Variants in R3HDM1 observed in about 807,000 individuals in gnomAD.
The protein encoded by R3HDM1 is R3H domain-containing protein 1.
Under a neutral mutation model 141.1 loss-of-function variants are expected in R3HDM1, and 46 were observed. The observed-to-expected ratio is 0.33, with a 90% CI of 0.26 to 0.42. R3HDM1 has a LOEUF of 0.42. Ranked by LOEUF, R3HDM1 falls within the 10% of genes least tolerant of loss-of-function variation. R3HDM1 has a pLI of 1.00. For missense variants in R3HDM1, 1,184 were observed against 1,368.3 expected (o/e 0.87, Z 2.12); for synonymous variants, 435 against 472.9 (o/e 0.92, Z 1.04).
intron 9 of R3HDM1, among the ~76,000 whole-genome samples, chr2:135,634,869 A>G (rs561015244): frequency 6.6e-6 from 1 of 152,332 alleles, no homozygotes; most frequent in South Asian, 2.1e-4. Flanking sequence ...TTCCAGTTTT[A>G]TAATAGAATG....
intron 1 of R3HDM1, among the ~76,000 whole-genome samples, chr2:135,564,495 T>A (rs1702369176): frequency 6.6e-6 from 1 of 152,138 alleles, no homozygotes; most frequent in African/African-American, 2.4e-5. Flanking sequence ...AATTTTTTTA[T>A]TTTTGGTAGA....
At chr2:135,709,613 C>A in intron 22 of R3HDM1, 77 bp downstream of exon 22, 1 of 1,528,644 alleles carries the variant, frequency 6.5e-7, no homozygotes, top group Non-Finnish European at 8.9e-7. Context: ...GGCATTTCTA[C>A]AAAAAGCTTC....
intron 1 of R3HDM1, among the ~76,000 whole-genome samples, chr2:135,570,860 A>T (rs1220055908): frequency 6.6e-6 from 1 of 152,204 alleles, no homozygotes; most frequent in South Asian, 2.1e-4. Context: ...TTTCGTTTTT[A>T]AAAAATCATC....
intron 1 of R3HDM1, among the ~76,000 whole-genome samples, chr2:135,531,894 G>C (rs1305222690): frequency 6.6e-6 from 1 of 152,210 alleles, no homozygotes; most frequent in South Asian, 2.1e-4. Context: ...TCCGGCTGCA[G>C]CTGCAGCCAC....
chr2:135,680,279 C>T lies in R3HDM1; in HGVS notation c.2414C>T (p.Pro805Leu), dbSNP rs753282895. The T allele has an allele frequency of 6.2e-7, 1 of 1,614,026 alleles. No individual in the cohort carries two copies. Among genetic ancestry groups the T allele is most frequent in the South Asian group, 1.1e-5 (1 of 91,070 alleles). The part of the protein sequence containing the change: ...NQGSMPTTGM[P>L]VYYSVIPPGQ... Reference sequence around the variant, plus strand: ...GGATCTATGCCCACAACAGGAATGCCTGTTTACTATAGTGTCATTCCACCT... The same window carrying T: ...GGATCTATGCCCACAACAGGAATGCTTGTTTACTATAGTGTCATTCCACCT... Residue 805 changes from proline (P) to leucine (L), a missense_variant, in exon 21 of 27, where the codon CCT (proline) becomes CTT (leucine). Pro to Leu is a moderately conservative substitution (Grantham distance 98, BLOSUM62 -3). This residue lies in a region of R3HDM1 where 563 missense variants were observed against 562.0 expected (regional missense o/e 1.00). Transcript: ENST00000683871.
At chr2:135,537,427 T>C (rs1696434490) in intron 1 of R3HDM1, among the ~76,000 whole-genome samples, 1 of 150,210 alleles carries the variant, frequency 6.7e-6, no homozygotes, top group South Asian at 2.1e-4. Context: ...GCTGGGACTA[T>C]AGTCACGAGC....
At chr2:135,684,516 T>C (rs1020159146) in intron 21 of R3HDM1, among the ~76,000 whole-genome samples, 5 of 152,194 alleles carry the variant, frequency 3.3e-5, no homozygotes, top group African/African-American at 1.2e-4. Context: ...TTTCATCAAT[T>C]TTTAAAATTA....
chr2:135,709,123 G>T (rs532529016), intron 21 of R3HDM1, among the ~76,000 whole-genome samples: 1 of 152,028 alleles, frequency 6.6e-6, no homozygotes, highest in Non-Finnish European at 1.5e-5. Context: ...GCACAGGCTG[G>T]AGTGCAGTGG....
intron 3 of R3HDM1, among the ~76,000 whole-genome samples, chr2:135,614,211 GA>G (rs2060805077): frequency 6.6e-6 from 1 of 152,246 alleles, no homozygotes; most frequent in Non-Finnish European, 1.5e-5. Context: ...CCTCCTCGTA[GA>G]TTAAAAGTGA....
At chr2:135,637,392 C>A (rs576394786) in intron 11 of R3HDM1, among the ~76,000 whole-genome samples, 2 of 152,268 alleles carry the variant, frequency 1.3e-5, no homozygotes, top group African/African-American at 4.8e-5. Context: ...CAGTGACTCA[C>A]ACCTGTAATC....
intron 1 of R3HDM1, among the ~76,000 whole-genome samples, chr2:135,588,025 T>C (rs1708329493): frequency 6.6e-6 from 1 of 151,708 alleles, no homozygotes; most frequent in South Asian, 2.1e-4. Flanking sequence ...TCTGACTAAA[T>C]CTATCTTAAT....
intron 21 of R3HDM1, among the ~76,000 whole-genome samples, chr2:135,681,202 A>G (rs1574975435): frequency 6.6e-6 from 1 of 152,322 alleles, no homozygotes; most frequent in East Asian, 1.9e-4. Context: ...TTACCAAACC[A>G]TTCATTTATT....
intron 19 of R3HDM1, chr2:135,669,085 T>G: frequency 1.1e-6 from 1 of 946,028 alleles, no homozygotes; most frequent in Non-Finnish European, 1.3e-6. Context: ...CTGTTTTGCC[T>G]AGACTGGAGT....
chr2:135,621,824 CG>C lies in R3HDM1; in HGVS notation c.418+217del, dbSNP rs995782306. 7 of 982,112 alleles carry C rather than the reference CG, an allele frequency of 7.1e-6. No individual in the cohort carries two copies. The African/African-American group carries it at 1.2e-4, about 17-fold the overall frequency. 60.8% of individuals were successfully genotyped at this position (982,112 alleles called of 1,614,324 possible). On this transcript the variant is annotated intron_variant, in intron 6 of 26. Coordinates refer to ENST00000683871, the MANE Select transcript of R3HDM1 (RefSeq NM_001378107.1). Reference sequence around the variant, plus strand: ...AGCCAAAAATGCAACACATAACAGACGTTGAGGACATCTTAATCTCTTACTG... The same window carrying C: ...AGCCAAAAATGCAACACATAACAGACTTGAGGACATCTTAATCTCTTACTG...
intron 1 of R3HDM1, among the ~76,000 whole-genome samples, chr2:135,593,609 G>A (rs1709860053): frequency 6.6e-6 from 1 of 152,142 alleles, no homozygotes; most frequent in South Asian, 2.1e-4. Flanking sequence ...CATTTTGCTA[G>A]TGTTTGCCAC....
intron 1 of R3HDM1, chr2:135,577,106 C>A: frequency 4.2e-6 from 4 of 957,340 alleles, no homozygotes; most frequent in Non-Finnish European, 5.0e-6. Context: ...GAAAAAAAGA[C>A]CATATAAGAA....
At chr2:135,699,053 T>TTG (rs1559466584) in intron 21 of R3HDM1, among the ~76,000 whole-genome samples, 8,377 of 136,316 alleles carry the variant, frequency 0.061, 569 homozygotes, top group South Asian at 0.1. Context: ...ATAAGATAGA[T>TTG]AAGATAGATT....
intron 20 of R3HDM1, among the ~76,000 whole-genome samples, chr2:135,677,373 G>T (rs761399775): frequency 6.6e-6 from 1 of 151,980 alleles, no homozygotes; most frequent in East Asian, 1.9e-4. Flanking sequence ...CCTGCCCTTC[G>T]TCTGTTTCCC....
intron 9 of R3HDM1, among the ~76,000 whole-genome samples, chr2:135,635,129 T>A (rs1479238702): frequency 2.0e-5 from 3 of 152,226 alleles, no homozygotes; most frequent in African/African-American, 7.2e-5. Context: ...TCTAACCTGT[T>A]CCAGTTAATG....
Sources: allele counts gnomAD v4.1 joint callset (sites outside exome capture counted in the v4.1 genomes callset), GRCh38; gene constraint gnomAD v4.1.1; regional missense constraint gnomAD v4.1.1; transcripts MANE v1.5; gene names NCBI Gene and HGNC (gene_info 2026-07-23, HGNC 2026-07-21).